The following LBHD2 variants were observed in gnomAD, a reference collection of about 807,000 sequenced individuals.
The protein encoded by LBHD2 is LBH domain-containing protein 2.
At chr14:103,088,643 T>TG (rs1415126320) in intron 3 of LBHD2, among the ~76,000 whole-genome samples, 1 of 152,184 alleles carries the variant, frequency 6.6e-6, no homozygotes, top group South Asian at 2.1e-4. Context: ...GTGCTTGTGG[T>TG]GGGGGGATGG....
intron 2 of LBHD2, among the ~76,000 whole-genome samples, chr14:103,087,473 G>C (rs1354050532): frequency 6.6e-6 from 1 of 152,240 alleles, no homozygotes; most frequent in African/African-American, 2.4e-5. Flanking sequence ...GGGGCGCTGA[G>C]GGACAGAGTT....
In LBHD2 at chr14:103,088,219, C is replaced by A; in HGVS notation, c.204C>A (p.Pro68=). 1 of 398,802 alleles carries A rather than the reference C, an allele frequency of 2.5e-6. No homozygotes were observed. Among genetic ancestry groups the A allele is most frequent in the Non-Finnish European group, 4.4e-6 (1 of 226,210 alleles). The allele number at this position is 398,802 out of a possible 1,614,324, so 24.7% of individuals were successfully genotyped here. Residue 68 remains proline (P), a synonymous_variant, in exon 3 of 4, where the codon CCC becomes CCA. Transcript: ENST00000634353. ...RWPLESAQRG[P]SQSRAAAAPS... ...CCCTGGAGAGTGCCCAGAGGGGCCC[C>A]TCTCAGAGCCGGGCTGCTGCTGGTA... is the stretch of plus-strand genomic sequence containing the variant.
At chr14:103,087,167 A>G (rs1009342443) in intron 2 of LBHD2, among the ~76,000 whole-genome samples, 1 of 152,226 alleles carries the variant, frequency 6.6e-6, no homozygotes, top group Non-Finnish European at 1.5e-5. Context: ...ATCCCAGTCC[A>G]GTGACACCTG....
At chr14:103,086,954 C>A (rs1889643283) in intron 2 of LBHD2, among the ~76,000 whole-genome samples, 1 of 152,212 alleles carries the variant, frequency 6.6e-6, no homozygotes, top group Non-Finnish European at 1.5e-5. Context: ...ACCTCGTTCA[C>A]CCCAGTGGGC....
At chr14:103,086,102 G>T (rs1889629350) in intron 2 of LBHD2, 21 bp downstream of exon 2, 2 of 398,474 alleles carry the variant, frequency 5.0e-6, no homozygotes, top group Non-Finnish European at 8.8e-6. Flanking sequence ...GGGACCCTGG[G>T]GGGGTCGGGA....
At chr14:103,084,522 G>C (rs569898173) in intron 1 of LBHD2, among the ~76,000 whole-genome samples, 175 bp downstream of exon 1, 2 of 152,356 alleles carry the variant, frequency 1.3e-5, no homozygotes, top group African/African-American at 4.8e-5. Flanking sequence ...ATCCCGCGGC[G>C]CTGGGGGTGG....
At chr14:103,084,573 C>A (rs887004356) in intron 1 of LBHD2, among the ~76,000 whole-genome samples, 3 of 152,196 alleles carry the variant, frequency 2.0e-5, no homozygotes, top group Non-Finnish European at 4.4e-5. Context: ...GGCACTGGAC[C>A]CTGGCGCCGG....
intron 1 of LBHD2, among the ~76,000 whole-genome samples, chr14:103,084,896 T>C (rs988791681): frequency 1.3e-5 from 2 of 152,108 alleles, no homozygotes; most frequent in Non-Finnish European, 2.9e-5. Flanking sequence ...CAGAAGAGGC[T>C]TGATGGAGGG....
chr14:103,084,572 C>A (rs2139444871), intron 1 of LBHD2, among the ~76,000 whole-genome samples: 1 of 152,308 alleles, frequency 6.6e-6, no homozygotes, highest in East Asian at 1.9e-4. Context: ...TGGCACTGGA[C>A]CCTGGCGCCG....
intron 2 of LBHD2, among the ~76,000 whole-genome samples, chr14:103,086,938 G>T (rs1889643098): frequency 6.6e-6 from 1 of 152,210 alleles, no homozygotes; most frequent in Admixed American, 6.5e-5. Flanking sequence ...AACGCTGCTG[G>T]CCTGGACCTC....
At chr14:103,087,840 A>G (rs957749799) in intron 2 of LBHD2, among the ~76,000 whole-genome samples, 1 of 152,092 alleles carries the variant, frequency 6.6e-6, no homozygotes, top group African/African-American at 2.4e-5. Flanking sequence ...GCTGCGTCCT[A>G]TGGTGCCTCC....
chr14:103,086,710 TA>T (rs35287691), intron 2 of LBHD2, among the ~76,000 whole-genome samples: 199 of 138,078 alleles, frequency 1.4e-3, no homozygotes, highest in Admixed American at 1.6e-3. Context: ...CTGATGAAAC[TA>T]AAAAAAAAAA....
In LBHD2 at chr14:103,089,706, C is replaced by G; in HGVS notation, c.236C>G (p.Pro79Arg). The G allele has an allele frequency of 2.5e-6, 1 of 398,682 alleles. No homozygotes were observed. Among genetic ancestry groups the G allele is most frequent in the Non-Finnish European group, 4.4e-6 (1 of 226,100 alleles). The allele number at this position is 398,682 out of a possible 1,614,324, so 24.7% of individuals were successfully genotyped here. The change falls in exon 4 of 4, where the codon CCG becomes CGG. Residue 79 changes from proline (P) to arginine (R), a missense_variant. Physicochemically the swap from Pro to Arg is moderately radical, Grantham distance 103. Transcript: ENST00000634353. ...SQSRAAAAPS[P>R]SLPGEPGKAA... ...CTTTATGTTTCTGCAGCCCCCTCGCCGAGTCTGCCCGGAGAACCAGGGAAA... is the reference window on the plus strand; with the variant it reads ...CTTTATGTTTCTGCAGCCCCCTCGCGGAGTCTGCCCGGAGAACCAGGGAAA...
At chr14:103,088,736 A>G (rs1448806605) in intron 3 of LBHD2, among the ~76,000 whole-genome samples, 1 of 152,288 alleles carries the variant, frequency 6.6e-6, no homozygotes, top group Admixed American at 6.5e-5. Context: ...GCTCATGCCT[A>G]TAATCCCAGC....
At chr14:103,089,205 A>G (rs1265859186) in intron 3 of LBHD2, among the ~76,000 whole-genome samples, 1 of 152,002 alleles carries the variant, frequency 6.6e-6, no homozygotes, top group Non-Finnish European at 1.5e-5. Flanking sequence ...TTCCCTGAGG[A>G]GGAAGTGAAT....
intron 3 of LBHD2, among the ~76,000 whole-genome samples, chr14:103,089,164 A>G (rs1280929372): frequency 6.6e-6 from 1 of 151,914 alleles, no homozygotes; most frequent in African/African-American, 2.4e-5. Context: ...GCCCTGGGAG[A>G]TGTTGTCCCC....
intron 2 of LBHD2, among the ~76,000 whole-genome samples, chr14:103,087,216 A>C (rs1176736025): frequency 6.6e-6 from 1 of 152,246 alleles, no homozygotes; most frequent in African/African-American, 2.4e-5. Flanking sequence ...CGTGGTTAAA[A>C]GAGAGTCTGG....
At chr14:103,088,567 C>T (rs1404482915) in intron 3 of LBHD2, among the ~76,000 whole-genome samples, 2 of 152,222 alleles carry the variant, frequency 1.3e-5, no homozygotes, top group Non-Finnish European at 2.9e-5. Context: ...TCCAGTGCAC[C>T]CTCGTCATCA....
In LBHD2 at chr14:103,088,135, C is replaced by G. The variant is rs950370055; in HGVS notation, c.120C>G (p.Pro40=). 7 of 398,616 alleles carry G rather than the reference C, an allele frequency of 1.8e-5. No individual in the cohort carries two copies. Among genetic ancestry groups the G allele is most frequent in the African/African-American group, 1.4e-4 (7 of 48,650 alleles). The allele number at this position is 398,616 out of a possible 1,614,324, so 24.7% of individuals were successfully genotyped here. A position where few individuals can be genotyped will look rare whatever the true frequency, so the allele number is the denominator to read the frequency against. ...GCCCTCGGCTGGGCCAGCGGCTGCC[C>G]TCAATCGTGGTGGAGCCCAGCGAGG... ...EKGPRLGQRL[P]SIVVEPSEAD... The change falls in exon 3 of 4, where the codon CCC becomes CCG. Residue 40 remains proline, a synonymous_variant. Coordinates refer to ENST00000634353, the MANE Select transcript of LBHD2 (RefSeq NM_001330236.2).
Sources: gnomAD v4.1 joint callset for allele counts (sites outside exome capture counted in the v4.1 genomes callset) on GRCh38, gnomAD v4.1.1 for gene constraint, MANE v1.5 for transcripts, NCBI Gene and HGNC (gene_info 2026-07-23, HGNC 2026-07-21) for gene names.